Variants in HIRA observed in about 807,000 individuals in gnomAD.
HIRA encodes the protein protein HIRA.
A neutral mutation model predicts 126.6 loss-of-function variants in HIRA; 13 were observed. The observed-to-expected ratio is 0.10, with a 90% CI of 0.07 to 0.16. The LOEUF (loss-of-function observed/expected upper bound fraction) is 0.16, where lower values mean the gene tolerates loss of function less well. Ranked by LOEUF, HIRA falls within the 10% of genes least tolerant of loss-of-function variation. The pLI, the probability that HIRA is intolerant of heterozygous loss-of-function variation, is 1.00. For missense variants in HIRA, 834 were observed against 1,314.4 expected (o/e 0.63, Z 5.65); for synonymous variants, 511 against 520.0 (o/e 0.98, Z 0.24).
Position 19,402,524 on chromosome 22 carries a change from C to G in HIRA, c.397+3262G>C, listed in dbSNP as rs942390876. Among the ~76,000 whole-genome samples the G allele has an allele frequency of 2.0e-5, 3 of 152,090 alleles. No individual in the cohort carries two copies. In the South Asian group the frequency reaches 6.2e-4, roughly 32 times the overall value. ...AATTTAAAATTGTTCTGTTATGAGG[C>G]CAATATAAAGACTCATTTTATTAGT... On this transcript the variant is annotated intron_variant, in intron 5 of 24. Coordinates refer to ENST00000263208, the MANE Select transcript of HIRA (RefSeq NM_003325.4).
rs782005515 is a variant in HIRA at position 19,354,026 on chromosome 22, G to A, written c.2654C>T (p.Pro885Leu). 62 of 1,613,348 alleles carry A rather than the reference G, an allele frequency of 3.8e-5. No individual in the cohort carries two copies. The highest frequency in any genetic ancestry group is 5.1e-5 in the Non-Finnish European group (60 of 1,179,814). ...PSQDAMLCSG[P>L]LAIIQGRTSN... ...GGTGCGGCCCTGGATTATGGCTAAC[G>A]GTCCTGAGCACAGCATGGCGTCCTG... The change falls in exon 22 of 25, where the codon CCG (proline) becomes CTG (leucine). Residue 885 changes from proline to leucine, a missense_variant. Transcript: ENST00000263208.
In HIRA at chr22:19,354,259, CT is replaced by C. The variant is rs576768734; in HGVS notation, c.2562-142del. ...GAAAGCCAGTAGAGGCTGAGCGCCC[CT>C]GCACTTCCGCACAGGCGCCTATCAC... On this transcript the variant is annotated intron_variant, in intron 21 of 24. Transcript: ENST00000263208. 7,134 of 774,760 alleles carry C rather than the reference CT, an allele frequency of 9.2e-3. 78 individuals are homozygous for C. The highest frequency in any genetic ancestry group is 0.029 in the South Asian group (1,549 of 53,274). 48.0% of individuals were successfully genotyped at this position (774,760 alleles called of 1,614,324 possible).
chr22:19,370,904 T>A (rs1457303756), intron 15 of HIRA, among the ~76,000 whole-genome samples: 1 of 152,184 alleles, frequency 6.6e-6, no homozygotes, highest in African/African-American at 2.4e-5. Flanking sequence ...TGTGAGACCC[T>A]GTGGACATAG....
intron 24 of HIRA, among the ~76,000 whole-genome samples, chr22:19,339,888 C>T (rs569321440): frequency 6.6e-6 from 1 of 152,024 alleles, no homozygotes; most frequent in Non-Finnish European, 1.5e-5. Context: ...TAAAAATTGC[C>T]AACAAAAAAA....
intron 2 of HIRA, 76 bp downstream of exon 2, chr22:19,410,640 C>T (rs978969649): frequency 4.1e-5 from 43 of 1,044,644 alleles, no homozygotes; most frequent in South Asian, 1.3e-4. Flanking sequence ...ATTCCCTCTA[C>T]AGCTAAATGG....
Position 19,354,031 on chromosome 22 carries a change from T to C in HIRA, c.2649A>G (p.Ser883=). Residue 883 remains serine (S), a synonymous_variant, in exon 22 of 25, where the codon TCA becomes TCG. Transcript: ENST00000263208. ...GGCCCTGGATTATGGCTAACGGTCC[T>C]GAGCACAGCATGGCGTCCTGGGATG... ...SLPSQDAMLC[S]GPLAIIQGRT... The C allele has an allele frequency of 1.2e-6, 2 of 1,613,552 alleles. No individual in the cohort carries two copies. Among genetic ancestry groups the C allele is most frequent in the Non-Finnish European group, 1.7e-6 (2 of 1,179,842 alleles).
At chr22:19,355,254 A>C (rs140777470) in intron 21 of HIRA, among the ~76,000 whole-genome samples, 208 of 152,260 alleles carry the variant, frequency 1.4e-3, no homozygotes, top group African/African-American at 4.8e-3. Context: ...CTGGGTTAAG[A>C]GCTCTGATGT....
In HIRA at chr22:19,423,476, CATGCAT is replaced by C. The variant is rs1318982087; in HGVS notation, c.37+7958_37+7963del. Among the ~76,000 whole-genome samples the C allele has an allele frequency of 8.4e-5, 11 of 130,212 alleles. No individual in the cohort carries two copies. In the East Asian group the frequency reaches 1.7e-3, roughly 21 times the overall value. The allele number at this position is 130,212 out of a possible 152,430, so 85.4% of individuals were successfully genotyped here. A position where few individuals can be genotyped will look rare whatever the true frequency, so the allele number is the denominator to read the frequency against. On this transcript the variant is annotated intron_variant, in intron 1 of 24. Transcript: ENST00000263208. ...AAACATACACACACTGACTCACACA[CATGCAT>C]ACACACACACACACACACACACACA...
At chr22:19,393,075 C>T (rs1166812542) in intron 8 of HIRA, among the ~76,000 whole-genome samples, 1 of 152,138 alleles carries the variant, frequency 6.6e-6, no homozygotes, top group Non-Finnish European at 1.5e-5. Context: ...TGTCCCTGGG[C>T]TTGCTGTCTC....
chr22:19,358,210 G>A (rs2088831868), intron 18 of HIRA, among the ~76,000 whole-genome samples: 1 of 152,192 alleles, frequency 6.6e-6, no homozygotes, highest in Non-Finnish European at 1.5e-5. Flanking sequence ...ATGTTGGCCA[G>A]GCTGGTACTG....
chr22:19,392,445 T>C (rs1030455837), intron 8 of HIRA, among the ~76,000 whole-genome samples: 1 of 152,202 alleles, frequency 6.6e-6, no homozygotes, highest in African/African-American at 2.4e-5. Context: ...AGCTGGGAAA[T>C]GCAGATTTGA....
At position 19,353,405 on chromosome 22, in the gene HIRA, G is replaced by A. The variant is rs34000365; in HGVS notation, c.2799C>T (p.His933=). ...AGACGAGGAGCCAATGGCGGTACTC[G>A]TGGCTGGACTGCAGGGTGAGTGCTG... ...VAAALTLQSS[H]EYRHWLLVYA... Residue 933 remains histidine, a synonymous_variant, in exon 23 of 25, where the codon CAC becomes CAT. Coordinates refer to ENST00000263208, the MANE Select transcript of HIRA (RefSeq NM_003325.4). 2.0e-3 allele frequency: 3,262 copies of A among 1,613,102 alleles called. 34 individuals carry two copies. In the African/African-American group the frequency reaches 0.025, roughly 12 times the overall value.
chr22:19,372,634 T>G (rs187421612), intron 15 of HIRA, among the ~76,000 whole-genome samples: 1 of 150,798 alleles, frequency 6.6e-6, no homozygotes, highest in East Asian at 1.9e-4. Context: ...TGAAGTGGCG[T>G]GATCTCTGCT....
intron 6 of HIRA, 87 bp downstream of exon 6, chr22:19,397,905 C>G (rs1031493542): frequency 1.1e-6 from 1 of 881,254 alleles, no homozygotes; most frequent in African/African-American, 1.7e-5. Flanking sequence ...TCTGTTGCCA[C>G]CAAGACTAAG....
At chr22:19,414,910 T>C (rs1315268399) in intron 1 of HIRA, among the ~76,000 whole-genome samples, 1 of 150,894 alleles carries the variant, frequency 6.6e-6, no homozygotes, top group Non-Finnish European at 1.5e-5. Context: ...ACAAAAAATA[T>C]ATAAGGTGGG....
At chr22:19,417,014 A>G (rs747843889) in intron 1 of HIRA, among the ~76,000 whole-genome samples, 4 of 151,958 alleles carry the variant, frequency 2.6e-5, no homozygotes, top group Admixed American at 6.6e-5. Flanking sequence ...AGCCTGGCCA[A>G]CATGGTGAAA....
chr22:19,368,692 T>A (rs1351875930), intron 15 of HIRA, among the ~76,000 whole-genome samples: 1 of 152,138 alleles, frequency 6.6e-6, no homozygotes, highest in Admixed American at 6.5e-5. Flanking sequence ...TTGTGAAACA[T>A]GGAAAAAAAG....
chr22:19,359,125 G>T (rs1422952562), intron 18 of HIRA, among the ~76,000 whole-genome samples: 2 of 152,158 alleles, frequency 1.3e-5, no homozygotes, highest in African/African-American at 4.8e-5. Flanking sequence ...TTCCCCATCT[G>T]TAACACGGGG....
chr22:19,421,445 A>C (rs1416756292), intron 1 of HIRA, among the ~76,000 whole-genome samples: 1 of 152,236 alleles, frequency 6.6e-6, no homozygotes, highest in Non-Finnish European at 1.5e-5. Flanking sequence ...AAAAAAATTC[A>C]GACACTTGTA....
Sources: allele counts gnomAD v4.1 joint callset (sites outside exome capture counted in the v4.1 genomes callset), GRCh38; gene constraint gnomAD v4.1.1; transcripts MANE v1.5; gene names NCBI Gene and HGNC (gene_info 2026-07-23, HGNC 2026-07-21).